KLHL4: variants seen among roughly 807,000 people sequenced by gnomAD.
KLHL4 encodes the protein kelch-like protein 4.
Under a neutral mutation model 45.8 loss-of-function variants are expected in KLHL4, and 17 were observed. The observed-to-expected ratio is 0.37, with a 90% CI of 0.25 to 0.56. The LOEUF (loss-of-function observed/expected upper bound fraction) is 0.56, where lower values mean the gene tolerates loss of function less well. KLHL4 is among the 20% of genes least tolerant of loss of function. The probability of loss-of-function intolerance (pLI) is 0.79; values close to 1 mark genes in which losing one functional copy is unlikely to be tolerated. For missense variants in KLHL4, 544 were observed against 544.9 expected (o/e 1.00, Z 0.02); for synonymous variants, 224 against 189.9 (o/e 1.18, Z -1.47).
At chrX:87,564,974 G>A (rs960161635) in intron 1 of KLHL4, among the ~76,000 whole-genome samples, 5 of 111,766 alleles carry the variant, frequency 4.5e-5, no homozygotes, top group Non-Finnish European at 9.4e-5. Flanking sequence ...TTTCTTCTCT[G>A]ACCACATCAG....
At chrX:87,533,797 C>T (rs1403703069) in intron 1 of KLHL4, among the ~76,000 whole-genome samples, 1 of 111,405 alleles carries the variant, frequency 9.0e-6, no homozygotes, top group African/African-American at 3.3e-5. Context: ...TAGTAATGAA[C>T]TTGCTTATTT....
rs1239104952 is a variant in KLHL4, at chrX:87,633,832, C to T, written c.1633C>T (p.Pro545Ser). 2 of 1,207,585 alleles carry T rather than the reference C, an allele frequency of 1.7e-6. No individual in the cohort carries two copies. Among genetic ancestry groups the T allele is most frequent in the Non-Finnish European group, 2.2e-6 (2 of 892,629 alleles). ...SYLNTVERWD[P>S]EGRQWNYVAS... is the part of the protein sequence containing the mutation. ...TCTAAATACTGTAGAAAGATGGGAC[C>T]CTGAGGGACGACAGTGGAATTACGT... Residue 545 changes from proline (P) to serine (S), a missense_variant, in exon 8 of 11, where the codon CCT becomes TCT. Physicochemically the swap from Pro to Ser is moderately conservative, Grantham distance 74 (BLOSUM62 -1). Coordinates refer to ENST00000373119, the MANE Select transcript of KLHL4 (RefSeq NM_019117.5).
chrX:87,524,342 TCAAAACATTGCATTGTACCC>T (rs1432473541), intron 1 of KLHL4, among the ~76,000 whole-genome samples: 2 of 112,141 alleles, frequency 1.8e-5, no homozygotes, highest in Non-Finnish European at 3.8e-5. Flanking sequence ...TATACATAGA[TCAAAACATTGCATTGTACCC>T]CATAAATAAG....
At chrX:87,533,132 G>A (rs1160878287) in intron 1 of KLHL4, among the ~76,000 whole-genome samples, 5 of 109,215 alleles carry the variant, frequency 4.6e-5, no homozygotes, top group African/African-American at 1.0e-4. Flanking sequence ...CAACCATTGT[G>A]GAAGTCAGTG....
At chrX:87,571,506 G>T (rs1356763375) in intron 1 of KLHL4, among the ~76,000 whole-genome samples, 2 of 111,086 alleles carry the variant, frequency 1.8e-5, no homozygotes, top group African/African-American at 6.5e-5. Flanking sequence ...TAATTTAACT[G>T]TATAAAGAAA....
chrX:87,595,083 A>T (rs774714895), intron 1 of KLHL4, among the ~76,000 whole-genome samples: 182 of 107,600 alleles, frequency 1.7e-3, no homozygotes, highest in Middle Eastern at 9.7e-3. Context: ...GGTTTGTTAC[A>T]TATGTATACA....
At chrX:87,605,483 T>G (rs1922162585) in intron 1 of KLHL4, among the ~76,000 whole-genome samples, 1 of 111,070 alleles carries the variant, frequency 9.0e-6, no homozygotes, top group Non-Finnish European at 1.9e-5. Context: ...CTAGGTATTT[T>G]ATTTTTATAT....
chrX:87,645,538 T>A (rs1329044884), intron 9 of KLHL4, among the ~76,000 whole-genome samples: 1 of 111,580 alleles, frequency 9.0e-6, no homozygotes, highest in Non-Finnish European at 1.9e-5. Context: ...GACCCAGCAA[T>A]CCTACTACTG....
At chrX:87,556,539 G>T (rs1264918266) in intron 1 of KLHL4, among the ~76,000 whole-genome samples, 3 of 108,999 alleles carry the variant, frequency 2.8e-5, no homozygotes, top group African/African-American at 1.0e-4. Context: ...TGGGGGAAGG[G>T]GGGAGGGATA....
At chrX:87,646,215 A>C (rs1923627681) in intron 9 of KLHL4, among the ~76,000 whole-genome samples, 1 of 111,150 alleles carries the variant, frequency 9.0e-6, no homozygotes, top group Non-Finnish European at 1.9e-5. Flanking sequence ...TACAATGAAA[A>C]CTACAAAACA....
intron 1 of KLHL4, among the ~76,000 whole-genome samples, chrX:87,601,623 T>C (rs965093187): frequency 9.0e-6 from 1 of 111,462 alleles, no homozygotes; most frequent in Non-Finnish European, 1.9e-5. Flanking sequence ...TGCCTTACCC[T>C]GGCACAGGCT....
At chrX:87,557,564 A>C (rs1170088197) in intron 1 of KLHL4, among the ~76,000 whole-genome samples, 2 of 111,975 alleles carry the variant, frequency 1.8e-5, no homozygotes, top group Non-Finnish European at 3.8e-5. Context: ...ATTACTTGAC[A>C]TTAACAATGT....
chrX:87,622,230 TA>T lies in KLHL4; in HGVS notation c.950del (p.Asn317ThrfsTer33). 8.3e-7 allele frequency: 1 copy of T among 1,206,356 alleles called. No homozygotes were observed. The highest frequency in any genetic ancestry group is 1.1e-6 in the Non-Finnish European group (1 of 890,843). On this transcript the variant is annotated frameshift_variant, in exon 5 of 11. Coordinates refer to ENST00000373119, the MANE Select transcript of KLHL4 (RefSeq NM_019117.5). LOFTEE classifies it high-confidence loss of function. ...TTCTAGGAACACTTCATTGAGGTAA[TA>T]AAAAACCAAGAATTCCTCCTGCTTC... ...KYTMEHFIEV[I>X]KNQEFLLLPA...
At position 87,614,021 on chromosome X, in the gene KLHL4, A is replaced by T. The variant is rs771636403; in HGVS notation, c.567A>T (p.Gly189=). ...TATGTGATGTGCTACTGATTGCAGGACACCTCCGCATCCCAGCCCATAGGT... is the reference window on the plus strand; with the variant it reads ...TATGTGATGTGCTACTGATTGCAGGTCACCTCCGCATCCCAGCCCATAGGT... ...KQLCDVLLIA[G]HLRIPAHRLV... The change falls in exon 2 of 11, where the codon GGA becomes GGT. Residue 189 remains glycine, a synonymous_variant. Transcript: ENST00000373119. The T allele has an allele frequency of 2.5e-6, 3 of 1,204,707 alleles. No homozygotes were observed. In the South Asian group the frequency reaches 5.4e-5, roughly 22 times the overall value.
At chrX:87,570,756 A>C (rs946563104) in intron 1 of KLHL4, among the ~76,000 whole-genome samples, 1 of 111,084 alleles carries the variant, frequency 9.0e-6, no homozygotes, top group Non-Finnish European at 1.9e-5. Context: ...CTAGACTTAT[A>C]CTTCTAAACA....
chrX:87,639,077 C>G (rs1923362930), intron 9 of KLHL4, among the ~76,000 whole-genome samples: 1 of 111,204 alleles, frequency 9.0e-6, no homozygotes, highest in African/African-American at 3.3e-5. Flanking sequence ...AACTTTAAAG[C>G]AACAACAGTT....
chrX:87,524,775 C>T (rs1931075593), intron 1 of KLHL4, among the ~76,000 whole-genome samples: 3 of 111,756 alleles, frequency 2.7e-5, no homozygotes, highest in South Asian at 3.7e-4. Context: ...AACATATTTA[C>T]GATACTAACA....
intron 5 of KLHL4, among the ~76,000 whole-genome samples, chrX:87,623,112 T>C (rs1253301602): frequency 9.0e-6 from 1 of 111,103 alleles, no homozygotes; most frequent in Non-Finnish European, 1.9e-5. Flanking sequence ...GTAATATCTA[T>C]TGAATTTGTG....
At chrX:87,537,221 T>G (rs1196717984) in intron 1 of KLHL4, among the ~76,000 whole-genome samples, 2 of 111,101 alleles carry the variant, frequency 1.8e-5, no homozygotes, top group Admixed American at 1.9e-4. Context: ...TTCCCCTGCC[T>G]TTTTGCCTTA....
Sources: gnomAD v4.1 joint callset for allele counts (sites outside exome capture counted in the v4.1 genomes callset) on GRCh38, gnomAD v4.1.1 for gene constraint, MANE v1.5 for transcripts, NCBI Gene and HGNC (gene_info 2026-07-23, HGNC 2026-07-21) for gene names.